The following MYO1H variants were observed in gnomAD, a reference collection of about 807,000 sequenced individuals.
The protein encoded by MYO1H is unconventional myosin-Ih.
A neutral mutation model predicts 149.3 loss-of-function variants in MYO1H; 118 were observed. The ratio of observed to expected loss-of-function variants is 0.79; its 90% CI spans 0.68 to 0.92. The LOEUF is 0.92. Ranked by LOEUF, MYO1H falls within the 40% of genes least tolerant of loss-of-function variation. The pLI is 0.00. For missense variants in MYO1H, 1,212 were observed against 1,280.7 expected, an observed-to-expected ratio of 0.95 and a Z score of 0.82; for synonymous variants, 447 against 465.2, an observed-to-expected ratio of 0.96 and a Z score of 0.50.
At chr12:109,386,569 T>C (rs1006339730) in intron 1 of MYO1H, among the ~76,000 whole-genome samples, 7 of 152,242 alleles carry the variant, frequency 4.6e-5, no homozygotes, top group African/African-American at 1.7e-4. Context: ...ATTGTGGTTT[T>C]AATTTGTGTT....
In MYO1H at chr12:109,382,861, A is replaced by G. The variant is rs576305915; in HGVS notation, c.13-5822A>G. Among the ~76,000 whole-genome samples the G allele has an allele frequency of 9.6e-3, 1,425 of 148,736 alleles. 19 individuals carry two copies. The highest frequency in any genetic ancestry group is 0.033 in the African/African-American group (1,338 of 40,972). ...ATATATATATATTTACAGGAAAAAT[A>G]TATTTTAAAAATATGAATTAAAATA... On this transcript the variant is annotated intron_variant, in intron 1 of 31. Transcript: ENST00000310903.
intron 2 of MYO1H, among the ~76,000 whole-genome samples, chr12:109,390,234 T>C (rs11066471): frequency 0.25 from 36,942 of 149,120 alleles, 5,471 homozygotes; most frequent in East Asian, 0.39. Flanking sequence ...TTGAGTTGGG[T>C]CTTGCTAAGT....
At chr12:109,376,981 A>G (rs1869099034) in intron 1 of MYO1H, among the ~76,000 whole-genome samples, 1 of 152,186 alleles carries the variant, frequency 6.6e-6, no homozygotes, top group Non-Finnish European at 1.5e-5. Context: ...TTTCCTTTAA[A>G]ATGTATTGAG....
chr12:109,409,724 T>G, intron 11 of MYO1H, 100 bp downstream of exon 11: 4 of 1,048,658 alleles, frequency 3.8e-6, no homozygotes, highest in Non-Finnish European at 5.9e-6. Context: ...GATTTCCCTG[T>G]CCCCAGAAAG....
In MYO1H at chr12:109,427,450, C is replaced by T; in HGVS notation, c.1832-19C>T. On this transcript the variant is annotated intron_variant, in intron 18 of 31. Transcript: ENST00000310903. Reference sequence around the variant, plus strand: ...CCATGGGATCCTTTCCTGTCATTCTCTGTTCTATTTCTCCAAAGGCAAATT... The same window carrying T: ...CCATGGGATCCTTTCCTGTCATTCTTTGTTCTATTTCTCCAAAGGCAAATT... 1 of 1,508,474 alleles carries T rather than the reference C, an allele frequency of 6.6e-7. No individual in the cohort carries two copies. Among genetic ancestry groups the T allele is most frequent in the Non-Finnish European group, 9.2e-7 (1 of 1,084,470 alleles). The allele number at this position is 1,508,474 out of a possible 1,614,324, so 93.4% of individuals were successfully genotyped here. A position where few individuals can be genotyped will look rare whatever the true frequency, so the allele number is the denominator to read the frequency against.
intron 2 of MYO1H, among the ~76,000 whole-genome samples, chr12:109,391,192 A>C (rs1242492954): frequency 6.6e-6 from 1 of 152,140 alleles, no homozygotes; most frequent in African/African-American, 2.4e-5. Context: ...AGGTATTAAG[A>C]CCAGCATGCA....
upstream of MYO1H, among the ~76,000 whole-genome samples, chr12:109,343,096 AG>A (rs1207867515): frequency 2.0e-5 from 3 of 152,004 alleles, no homozygotes; most frequent in Non-Finnish European, 4.4e-5. Context: ...ACTCTGAAAA[AG>A]AAAAAAAATT....
rs576045655 is a variant in MYO1H at position 109,430,169 on chromosome 12, C to T, written c.1949+2583C>T. 3.3e-5 allele frequency among the ~76,000 whole-genome samples: 5 copies of T among 152,234 alleles called. No homozygotes were observed. The South Asian group carries it at 1.0e-3, about 32-fold the overall frequency. ...GGGAACATCAATCAAGGCAGGAAAG[C>T]CTGGAGGTGGGAGCAGGCTCTAGGG... On this transcript the variant is annotated intron_variant, in intron 19 of 31. Transcript: ENST00000310903.
intron 12 of MYO1H, 56 bp downstream of exon 12, chr12:109,410,124 TTTTTTTAATTTAATTAA>T: frequency 2.3e-6 from 2 of 855,946 alleles, no homozygotes; most frequent in South Asian, 5.6e-5. Flanking sequence ...TAAAGACTTC[TTTTTTTAATTTAATTAA>T]TTTTTTTTTT....
chr12:109,342,593 A>T, the MYO1H span, among the ~76,000 whole-genome samples: 1 of 130,200 alleles, frequency 7.7e-6, no homozygotes, highest in Non-Finnish European at 1.5e-5. Flanking sequence ...CACAGGCTGG[A>T]GTGCAGTGGT....
chr12:109,432,769 G>C, intron 19 of MYO1H, 128 bp from the exon 20 acceptor site: 1 of 684,124 alleles, frequency 1.5e-6, no homozygotes, highest in East Asian at 2.5e-5. Flanking sequence ...TCGTGTAATG[G>C]GACTACTACA....
intron 13 of MYO1H, 70 bp from the exon 14 acceptor site, chr12:109,411,824 T>TGAA: frequency 9.0e-7 from 1 of 1,110,954 alleles, no homozygotes; most frequent in Non-Finnish European, 1.3e-6. Context: ...TTCCAGCTGG[T>TGAA]GAAAGCATTT....
chr12:109,424,848 A>G lies in MYO1H; in HGVS notation c.1725+20A>G. The G allele has an allele frequency of 6.2e-7, 1 of 1,606,432 alleles. No homozygotes were observed. Among genetic ancestry groups the G allele is most frequent in the Non-Finnish European group, 8.5e-7 (1 of 1,173,390 alleles). On this transcript the variant is annotated intron_variant, in intron 17 of 31. Coordinates refer to ENST00000310903, the Ensembl canonical transcript of MYO1H. ...CCAACAGTGAGTGGGAAAAACACCC[A>G]TGCAAAATTGGATCTCACCAGAGGG...
intron 1 of MYO1H, among the ~76,000 whole-genome samples, chr12:109,351,673 G>C (rs2136994670): frequency 6.6e-6 from 1 of 152,286 alleles, no homozygotes; most frequent in East Asian, 1.9e-4. Flanking sequence ...GGGTTCACTT[G>C]AAAAATAAGA....
rs757399287 is a variant in MYO1H at position 109,438,575 on chromosome 12, G to A, written c.2249G>A (p.Arg750Gln). The A allele has an allele frequency of 2.2e-5, 35 of 1,613,252 alleles. No homozygotes were observed. Among genetic ancestry groups the A allele is most frequent in the East Asian group, 4.5e-5 (2 of 44,868 alleles). ...GCCCACTGGCGTGGGGCCCTGGCTC[G>A]GAAGGCAATCCAAAGGAGAAAGTGG... Residue 750 changes from arginine to glutamine, a missense_variant, in exon 23 of 32, where the codon CGG becomes CAG. By Grantham distance (43) the Arg-to-Gln change is conservative (BLOSUM62 1). Coordinates refer to ENST00000310903, the Ensembl canonical transcript of MYO1H.
chr12:109,393,386 A>G (rs1869746540), exon 3 of MYO1H: 2 of 1,589,508 alleles, frequency 1.3e-6, no homozygotes, highest in Non-Finnish European at 1.7e-6. Flanking sequence ...CTCGGAATCT[A>G]CACTGTGAGC....
intron 19 of MYO1H, among the ~76,000 whole-genome samples, chr12:109,428,104 C>A (rs1261067745): frequency 9.4e-5 from 13 of 137,958 alleles, no homozygotes; most frequent in East Asian, 4.2e-4. Flanking sequence ...AACAAAACAA[C>A]AAAAAAAAAA....
At chr12:109,337,719 G>A in the MYO1H span, among the ~76,000 whole-genome samples, 2 of 152,162 alleles carry the variant, frequency 1.3e-5, no homozygotes, top group Non-Finnish European at 2.9e-5. Context: ...TGAGATTTGG[G>A]TGGGGACACA....
At chr12:109,431,134 C>T (rs1871597867) in intron 19 of MYO1H, among the ~76,000 whole-genome samples, 1 of 151,582 alleles carries the variant, frequency 6.6e-6, no homozygotes, top group African/African-American at 2.4e-5. Flanking sequence ...AATCCCAGCG[C>T]TTTGGGAGGC....
Sources: gnomAD v4.1 joint callset for allele counts (sites outside exome capture counted in the v4.1 genomes callset) on GRCh38, gnomAD v4.1.1 for gene constraint, MANE v1.5 for transcripts, NCBI Gene and HGNC (gene_info 2026-07-23, HGNC 2026-07-21) for gene names.